The following SYNDIG1 variants were observed in gnomAD, a reference collection of about 807,000 sequenced individuals.
SYNDIG1 encodes synapse differentiation-inducing gene protein 1.
Under a neutral mutation model 19.4 loss-of-function variants are expected in SYNDIG1, and 9 were observed. That is an observed-to-expected ratio of 0.46 (90% CI 0.28 to 0.81). SYNDIG1 has a LOEUF of 0.81. SYNDIG1 is among the 30% of genes least tolerant of loss of function. The pLI is 0.12. For synonymous variants in SYNDIG1, 141 were observed against 145.9 expected (o/e 0.97, Z 0.24); for missense variants, 311 against 343.3 (o/e 0.91, Z 0.74).
At chr20:24,584,113 C>T (rs1000372136) in intron 2 of SYNDIG1, among the ~76,000 whole-genome samples, 3 of 152,196 alleles carry the variant, frequency 2.0e-5, no homozygotes, top group Admixed American at 6.5e-5. Context: ...CACCCCTTCT[C>T]CATCAGAACC....
At chr20:24,543,700 C>T in intron 2 of SYNDIG1, 123 bp downstream of exon 2, 1 of 1,365,088 alleles carries the variant, frequency 7.3e-7, no homozygotes, top group Non-Finnish European at 1.0e-6. Flanking sequence ...ATGCAGAAAC[C>T]AAAGGCAGTC....
At chr20:24,629,016 C>T (rs1374565265) in intron 3 of SYNDIG1, among the ~76,000 whole-genome samples, 1 of 152,242 alleles carries the variant, frequency 6.6e-6, no homozygotes, top group Non-Finnish European at 1.5e-5. Flanking sequence ...AAGACAGCCA[C>T]AGCTACTCTG....
intron 2 of SYNDIG1, among the ~76,000 whole-genome samples, chr20:24,560,625 G>A (rs2057921794): frequency 6.8e-6 from 1 of 147,704 alleles, no homozygotes; most frequent in Non-Finnish European, 1.5e-5. Context: ...CTGTTGCATT[G>A]AAGTCTTTTT....
At chr20:24,589,029 C>T (rs1403183847) in intron 3 of SYNDIG1, among the ~76,000 whole-genome samples, 1 of 152,160 alleles carries the variant, frequency 6.6e-6, no homozygotes, top group African/African-American at 2.4e-5. Flanking sequence ...AACAATGTTC[C>T]ATCCAGCCCC....
intron 1 of SYNDIG1, among the ~76,000 whole-genome samples, chr20:24,489,639 GACAT>G (rs1212391134): frequency 2.3e-4 from 35 of 152,226 alleles, no homozygotes; most frequent in Admixed American, 5.9e-4. Context: ...TGCTTAAACA[GACAT>G]ACATTCACCA....
chr20:24,548,829 G>A lies in SYNDIG1; in HGVS notation c.480+5252G>A, dbSNP rs2057644128. ...TTTAGCTTTCATGATGAAAGGTGATGTTTTTGTAGTTCTTTGTAGACACTC... is the reference window on the plus strand; with the variant it reads ...TTTAGCTTTCATGATGAAAGGTGATATTTTTGTAGTTCTTTGTAGACACTC... On this transcript the variant is annotated intron_variant, in intron 2 of 3. Coordinates refer to ENST00000376862, the MANE Select transcript of SYNDIG1 (RefSeq NM_024893.3). Among the ~76,000 whole-genome samples, 4 of 152,300 alleles carry A rather than the reference G, an allele frequency of 2.6e-5. No homozygotes were observed. The South Asian group carries it at 8.3e-4, about 32-fold the overall frequency.
chr20:24,511,256 T>C (rs1197780189), intron 1 of SYNDIG1, among the ~76,000 whole-genome samples: 1 of 152,208 alleles, frequency 6.6e-6, no homozygotes, highest in Non-Finnish European at 1.5e-5. Context: ...TTTCCTGAAG[T>C]GAGGATGCAG....
intron 2 of SYNDIG1, among the ~76,000 whole-genome samples, chr20:24,549,008 G>A (rs1332690095): frequency 6.6e-6 from 1 of 152,122 alleles, no homozygotes; most frequent in Non-Finnish European, 1.5e-5. Flanking sequence ...AACATATGGT[G>A]ATCAGATCAG....
Position 24,665,568 on chromosome 20 carries a change from A to G in SYNDIG1, c.*64A>G. The stretch of plus-strand genomic sequence containing the variant: ...CTGTGTGGACGTGGAGGAAGCAGGC[A>G]TACCGCATGATGCTGTACAGTACAA... On this transcript the variant is annotated 3_prime_UTR_variant, in exon 4 of 4. Transcript: ENST00000376862. The G allele has an allele frequency of 1.9e-6, 3 of 1,603,248 alleles. No individual in the cohort carries two copies. Among genetic ancestry groups the G allele is most frequent in the Admixed American group, 1.7e-5 (1 of 57,714 alleles).
intron 1 of SYNDIG1, among the ~76,000 whole-genome samples, chr20:24,512,939 A>G (rs1255643125): frequency 6.6e-6 from 1 of 152,036 alleles, no homozygotes; most frequent in African/African-American, 2.4e-5. Flanking sequence ...TTCCAGAGGA[A>G]CAATCAGGAA....
intron 2 of SYNDIG1, among the ~76,000 whole-genome samples, chr20:24,554,882 C>T (rs1245960473): frequency 2.0e-5 from 3 of 151,668 alleles, no homozygotes; most frequent in Non-Finnish European, 2.9e-5. Context: ...AGGAATAGTA[C>T]CAGTTCCTCC....
At chr20:24,559,748 C>T (rs146553649) in intron 2 of SYNDIG1, among the ~76,000 whole-genome samples, 6 of 152,208 alleles carry the variant, frequency 3.9e-5, no homozygotes, top group East Asian at 3.9e-4. Context: ...TGTTGGATAT[C>T]GAATTCTCGT....
chr20:24,627,167 G>T (rs1343950720), intron 3 of SYNDIG1, among the ~76,000 whole-genome samples: 1 of 151,810 alleles, frequency 6.6e-6, no homozygotes, highest in Non-Finnish European at 1.5e-5. Context: ...GAGAGCGAGA[G>T]CGAGAGCGAG....
intron 1 of SYNDIG1, among the ~76,000 whole-genome samples, chr20:24,519,573 T>C (rs1047426754): frequency 1.3e-5 from 2 of 152,186 alleles, no homozygotes; most frequent in African/African-American, 4.8e-5. Context: ...AGAAGCATAG[T>C]ATTCTTCAAG....
chr20:24,497,253 G>A (rs1056959985), intron 1 of SYNDIG1, among the ~76,000 whole-genome samples: 1 of 152,160 alleles, frequency 6.6e-6, no homozygotes, highest in Non-Finnish European at 1.5e-5. Flanking sequence ...CCCAGGCTGA[G>A]TGCAGGGATG....
At chr20:24,477,785 T>A (rs1020155137) in intron 1 of SYNDIG1, among the ~76,000 whole-genome samples, 2 of 152,256 alleles carry the variant, frequency 1.3e-5, no homozygotes, top group African/African-American at 4.8e-5. Flanking sequence ...GGGAGATATT[T>A]GCCCTTCAGG....
intron 1 of SYNDIG1, among the ~76,000 whole-genome samples, chr20:24,483,296 C>T (rs970039049): frequency 1.3e-5 from 2 of 152,106 alleles, no homozygotes; most frequent in Non-Finnish European, 1.5e-5. Flanking sequence ...AGTACTGCCA[C>T]GAGTAGCTCC....
intron 1 of SYNDIG1, among the ~76,000 whole-genome samples, chr20:24,480,009 G>A (rs188346903): frequency 5.3e-5 from 8 of 152,268 alleles, no homozygotes; most frequent in African/African-American, 1.7e-4. Context: ...ACACGTGCAC[G>A]CGCGCACGCA....
At chr20:24,487,051 G>C (rs1477092487) in intron 1 of SYNDIG1, among the ~76,000 whole-genome samples, 2 of 152,050 alleles carry the variant, frequency 1.3e-5, no homozygotes, top group African/African-American at 4.8e-5. Context: ...CCAAGGTTGG[G>C]GGGAGAGGGT....
Sources: allele counts gnomAD v4.1 joint callset (sites outside exome capture counted in the v4.1 genomes callset), GRCh38; gene constraint gnomAD v4.1.1; transcripts MANE v1.5; gene names NCBI Gene and HGNC (gene_info 2026-07-23, HGNC 2026-07-21).